CMSS1: variants seen among roughly 807,000 people sequenced by gnomAD.
The protein encoded by CMSS1 is protein CMSS1.
CMSS1 carries 33 observed loss-of-function variants against 43.5 expected under a neutral mutation model. That is an observed-to-expected ratio of 0.76 (90% CI 0.57 to 1.01). The LOEUF is 1.01. Among genes scored for constraint, CMSS1 ranks in the 50% least tolerant of loss-of-function variants. The pLI is 0.00. For synonymous variants in CMSS1, 115 were observed against 117.2 expected (o/e 0.98, Z 0.12); for missense variants, 313 against 326.4 (o/e 0.96, Z 0.32).
intron 1 of CMSS1, among the ~76,000 whole-genome samples, chr3:100,033,788 C>T (rs950561292): frequency 2.0e-5 from 3 of 152,152 alleles, no homozygotes; most frequent in African/African-American, 7.2e-5. Flanking sequence ...TTTATTCTTT[C>T]CATGAATTGT....
intron 1 of CMSS1, among the ~76,000 whole-genome samples, chr3:100,060,380 T>C (rs187189171): frequency 1.5e-4 from 23 of 152,290 alleles, no homozygotes; most frequent in African/African-American, 5.3e-4. Context: ...ATCTTCCTGA[T>C]GCCCTTCTAA....
At chr3:99,946,862 C>G (rs1312216893) in intron 1 of CMSS1, among the ~76,000 whole-genome samples, 1 of 152,102 alleles carries the variant, frequency 6.6e-6, no homozygotes, top group Non-Finnish European at 1.5e-5. Context: ...GGCACTGTCT[C>G]CATCAAGGAT....
At chr3:100,161,859 C>T (rs144635414) in intron 3 of CMSS1, among the ~76,000 whole-genome samples, 237 of 152,232 alleles carry the variant, frequency 1.6e-3, no homozygotes, top group Non-Finnish European at 2.3e-3. Flanking sequence ...ATTCCTACTG[C>T]GGGTTTTACA....
At chr3:99,912,335 G>C (rs1183705885) in intron 1 of CMSS1, among the ~76,000 whole-genome samples, 1 of 152,114 alleles carries the variant, frequency 6.6e-6, no homozygotes, top group Non-Finnish European at 1.5e-5. Context: ...GTTTCTAGCG[G>C]CTGTAGTGTC....
intron 1 of CMSS1, among the ~76,000 whole-genome samples, chr3:99,969,030 T>C (rs1347611049): frequency 6.6e-6 from 1 of 151,898 alleles, no homozygotes; most frequent in Non-Finnish European, 1.5e-5. Flanking sequence ...AAAGAGTAAA[T>C]AGGCACTGAG....
chr3:100,087,020 G>C (rs894080273), intron 1 of CMSS1, among the ~76,000 whole-genome samples: 1 of 152,184 alleles, frequency 6.6e-6, no homozygotes, highest in Non-Finnish European at 1.5e-5. Context: ...AAATTGTCAT[G>C]TGTACCAACA....
chr3:99,876,125 CCGCGCTGCGAGCCGACTGTG>C, intron 1 of CMSS1: 1 of 986,362 alleles, frequency 1.0e-6, no homozygotes, highest in Non-Finnish European at 1.2e-6. Context: ...CGCTGTAGTG[CCGCGCTGCGAGCCGACTGTG>C]CGCGCTCCGA....
intron 1 of CMSS1, among the ~76,000 whole-genome samples, chr3:99,959,987 C>T (rs1465493508): frequency 6.6e-6 from 1 of 152,128 alleles, no homozygotes; most frequent in Non-Finnish European, 1.5e-5. Context: ...GGGAGTTAGG[C>T]CTAGCTGTTC....
At chr3:99,967,036 A>G (rs1000976442) in intron 1 of CMSS1, among the ~76,000 whole-genome samples, 5 of 152,204 alleles carry the variant, frequency 3.3e-5, no homozygotes, top group Admixed American at 3.3e-4. Flanking sequence ...AGAAGAAATG[A>G]TAAGAGAGGG....
intron 1 of CMSS1, chr3:99,876,006 G>GTCT (rs1559671779): frequency 5.2e-6 from 5 of 970,278 alleles, no homozygotes; most frequent in African/African-American, 1.8e-5. Flanking sequence ...GCCACCCACA[G>GTCT]ACTTGCTACC....
chr3:99,999,637 AGCGCT>A (rs1293331093), intron 1 of CMSS1, among the ~76,000 whole-genome samples: 1 of 152,214 alleles, frequency 6.6e-6, no homozygotes, highest in African/African-American at 2.4e-5. Flanking sequence ...CTTTTCAGTC[AGCGCT>A]TTGCTAAACA....
At chr3:99,906,217 T>C (rs1258095660) in intron 1 of CMSS1, among the ~76,000 whole-genome samples, 1 of 152,164 alleles carries the variant, frequency 6.6e-6, no homozygotes, top group Non-Finnish European at 1.5e-5. Flanking sequence ...TAAATAAATA[T>C]TAGCCTTTCT....
intron 1 of CMSS1, among the ~76,000 whole-genome samples, chr3:100,085,446 C>T (rs924914681): frequency 6.6e-6 from 1 of 152,174 alleles, no homozygotes. Context: ...ACTATGCTTT[C>T]TCCAAGTGCT....
intron 1 of CMSS1, among the ~76,000 whole-genome samples, chr3:99,939,806 G>A (rs145941150): frequency 5.3e-5 from 8 of 152,280 alleles, no homozygotes; most frequent in East Asian, 1.9e-4. Context: ...CAGATTCCTC[G>A]TCTGCAAGAT....
At chr3:99,967,066 C>G (rs776630217) in intron 1 of CMSS1, among the ~76,000 whole-genome samples, 7 of 152,152 alleles carry the variant, frequency 4.6e-5, no homozygotes, top group African/African-American at 1.4e-4. Context: ...GGGGCAAGAA[C>G]AGTCTGAAAA....
intron 1 of CMSS1, among the ~76,000 whole-genome samples, chr3:99,972,384 GAT>G (rs1329770118): frequency 3.3e-5 from 5 of 152,314 alleles, no homozygotes; most frequent in African/African-American, 9.6e-5. Flanking sequence ...GAAGTCTGAT[GAT>G]ATCATAAACC....
chr3:99,888,322 T>C (rs1705974167), intron 1 of CMSS1, among the ~76,000 whole-genome samples: 1 of 151,754 alleles, frequency 6.6e-6, no homozygotes, highest in African/African-American at 2.4e-5. Flanking sequence ...GCCATGATCA[T>C]GCCACTGCAC....
intron 1 of CMSS1, among the ~76,000 whole-genome samples, chr3:100,142,456 T>C (rs977208462): frequency 6.6e-6 from 1 of 152,198 alleles, no homozygotes; most frequent in African/African-American, 2.4e-5. Context: ...AGAATGTACA[T>C]AGGTTGTATG....
chr3:100,001,304 A>G (rs1709835391), intron 1 of CMSS1, among the ~76,000 whole-genome samples: 2 of 152,220 alleles, frequency 1.3e-5, no homozygotes, highest in African/African-American at 4.8e-5. Context: ...CTTCATTTAC[A>G]TATTATCTAT....
Sources: allele counts gnomAD v4.1 joint callset (sites outside exome capture counted in the v4.1 genomes callset), GRCh38; gene constraint gnomAD v4.1.1; transcripts MANE v1.5; gene names NCBI Gene and HGNC (gene_info 2026-07-23, HGNC 2026-07-21).